POLR2H: variants seen among roughly 807,000 people sequenced by gnomAD.
POLR2H encodes RNA polymerase II, I and III subunit H.
POLR2H carries 3 observed loss-of-function variants against 18.1 expected under a neutral mutation model. That is an observed-to-expected ratio of 0.17 (90% CI 0.08 to 0.43). The LOEUF (loss-of-function observed/expected upper bound fraction) is 0.43, where lower values mean the gene tolerates loss of function less well. Among genes scored for constraint, POLR2H ranks in the 20% least tolerant of loss-of-function variants. The probability of loss-of-function intolerance (pLI) is 0.99; values close to 1 mark genes in which losing one functional copy is unlikely to be tolerated. For synonymous variants in POLR2H, 76 were observed against 69.0 expected (o/e 1.10, Z -0.50); for missense variants, 103 against 184.6 (o/e 0.56, Z 2.56).
chr3:184,365,254 A>C (rs1469643862), intron 4 of POLR2H, 28 bp downstream of exon 4: 1 of 1,316,292 alleles, frequency 7.6e-7, no homozygotes, highest in South Asian at 1.2e-5. Context: ...GTAATACTTG[A>C]AATATGCCTT....
chr3:184,365,296 C>A, intron 4 of POLR2H, 70 bp downstream of exon 4: 1 of 936,596 alleles, frequency 1.1e-6, no homozygotes, highest in Non-Finnish European at 1.8e-6. Context: ...TATAGAAAGA[C>A]TCTTCTAAAA....
intron 4 of POLR2H, 39 bp from the exon 5 acceptor site, chr3:184,366,678 A>G (rs1713357971): frequency 8.5e-7 from 1 of 1,181,032 alleles, no homozygotes; most frequent in Admixed American, 1.7e-5. Context: ...TATATTGTTA[A>G]TTACTGTTAA....
chr3:184,364,917 G>A (rs1712972299), intron 2 of POLR2H, 49 bp from the exon 3 acceptor site: 1 of 1,260,992 alleles, frequency 7.9e-7, no homozygotes, highest in East Asian at 2.3e-5. Flanking sequence ...CCACACTGTA[G>A]GATCTGCCTT....
Position 184,365,214 on chromosome 3 carries a change from A to G in POLR2H, c.239A>G (p.Asp80Gly). ...LDDGEYNPTDDRPSRADQFEY... is the reference protein window; with the variant it reads ...LDDGEYNPTDGRPSRADQFEY... ...GATGGTGAATACAACCCCACTGATGATAGGCCTTCCAGGTGAGGGAGTGGA... is the reference window on the plus strand; with the variant it reads ...GATGGTGAATACAACCCCACTGATGGTAGGCCTTCCAGGTGAGGGAGTGGA... Residue 80 changes from aspartate (D) to glycine (G), a missense_variant, in exon 4 of 6, where the codon GAT becomes GGT. Asp to Gly is a moderately conservative substitution (Grantham distance 94). Transcript: ENST00000456318. 1 of 1,605,564 alleles carries G rather than the reference A, an allele frequency of 6.2e-7. No individual in the cohort carries two copies. Among genetic ancestry groups the G allele is most frequent in the Non-Finnish European group, 8.5e-7 (1 of 1,172,172 alleles).
chr3:184,367,170 TG>T (rs201759487), intron 5 of POLR2H, among the ~76,000 whole-genome samples: 59,418 of 143,686 alleles, frequency 0.41, 12,283 homozygotes, highest in Middle Eastern at 0.56. Context: ...TGTGTGTGTG[TG>T]GCTACTCTGT....
chr3:184,368,033 A>G (rs1412030173), intron 5 of POLR2H, 144 bp from the exon 6 acceptor site: 1 of 1,172,558 alleles, frequency 8.5e-7, no homozygotes, highest in South Asian at 1.3e-5. Context: ...AGTGCCTTGC[A>G]CATACCTGTG....
At position 184,368,231 on chromosome 3, in the gene POLR2H, C is replaced by T. The variant is rs747221761; in HGVS notation, c.390C>T (p.Asn130=). The T allele has an allele frequency of 9.3e-6, 15 of 1,613,730 alleles. No homozygotes were observed. Among genetic ancestry groups the T allele is most frequent in the Non-Finnish European group, 1.0e-5 (12 of 1,179,712 alleles). The change falls in exon 6 of 6, where the codon AAC becomes AAT. Residue 130 remains asparagine, a synonymous_variant. Coordinates refer to ENST00000456318, the MANE Select transcript of POLR2H (RefSeq NM_006232.5). ...TCATGAGGCTGCAGGGGGATGCCAACAACCTGCATGGATTCGAGGTGGACT... is the reference window on the plus strand; with the variant it reads ...TCATGAGGCTGCAGGGGGATGCCAATAACCTGCATGGATTCGAGGTGGACT... The part of the protein sequence containing the change: ...GLLMRLQGDA[N]NLHGFEVDSR...
At chr3:184,364,660 G>GCATA (rs1237835698) in intron 2 of POLR2H, 5 of 440,750 alleles carry the variant, frequency 1.1e-5, no homozygotes, top group African/African-American at 9.9e-5. Context: ...ACAGTGCCTA[G>GCATA]CATAGAAAGA....
In POLR2H at chr3:184,365,110, T is replaced by C. The variant is rs1238524493; in HGVS notation, c.158-23T>C. On this transcript the variant is annotated intron_variant, in intron 3 of 5. Coordinates refer to ENST00000456318, the MANE Select transcript of POLR2H (RefSeq NM_006232.5). ...TTGCTGCTTCTGCTATTCTTTACTC[T>C]CTGATATTGCTGTTATTTTCAGGTG... 8 of 1,592,344 alleles carry C rather than the reference T, an allele frequency of 5.0e-6. No homozygotes were observed. In the Admixed American group the frequency reaches 1.3e-4, roughly 27 times the overall value.
Position 184,363,572 on chromosome 3 carries a change from A to G in POLR2H, c.73+7A>G, listed in dbSNP as rs1230725021. ...GGCAAGAAGTTTGACCGAGGTAAGT[A>G]AGGTATGTAGGGGCGGTTTGGAGGA... On this transcript the variant is annotated splice_region_variant and intron_variant, in intron 2 of 5. Transcript: ENST00000456318. 4 of 1,612,218 alleles carry G rather than the reference A, an allele frequency of 2.5e-6. No homozygotes were observed. The East Asian group carries it at 6.7e-5, about 27-fold the overall frequency.
At chr3:184,365,426 C>T (rs749672991) in intron 4 of POLR2H, 200 bp downstream of exon 4, 42 of 589,618 alleles carry the variant, frequency 7.1e-5, no homozygotes, top group East Asian at 5.1e-4. Flanking sequence ...TTTGGGAGGC[C>T]GAGGCAGGAG....
At chr3:184,368,134 G>T (rs1191960765) in intron 5 of POLR2H, 43 bp from the exon 6 acceptor site, 6 of 1,613,734 alleles carry the variant, frequency 3.7e-6, no homozygotes, top group Non-Finnish European at 5.1e-6. Flanking sequence ...GAGCTGCTGA[G>T]TGGCAGTGCT....
At chr3:184,367,457 C>T (rs890459779) in intron 5 of POLR2H, among the ~76,000 whole-genome samples, 2 of 151,166 alleles carry the variant, frequency 1.3e-5, no homozygotes, top group African/African-American at 4.9e-5. Flanking sequence ...CATGTTTCCC[C>T]ATGTTAGTGT....
rs1577349699 is a variant in POLR2H at position 184,368,331 on chromosome 3, A to G, written c.*37A>G. The G allele has an allele frequency of 6.5e-7, 1 of 1,535,762 alleles. No individual in the cohort carries two copies. Among genetic ancestry groups the G allele is most frequent in the Non-Finnish European group, 8.8e-7 (1 of 1,133,468 alleles). ...AGCCAGCCTCTCTGCCAAGTCACTC[A>G]GGTCATGGGCATTGTTCAAGCCTGA... On this transcript the variant is annotated 3_prime_UTR_variant, in exon 6 of 6. Transcript: ENST00000456318.
chr3:184,365,088 C>T, intron 3 of POLR2H, 39 bp downstream of exon 3: 1 of 1,579,000 alleles, frequency 6.3e-7, no homozygotes, highest in Non-Finnish European at 8.7e-7. Flanking sequence ...AGACTTTTTG[C>T]TGCTTCTGCT....
At chr3:184,365,267 G>A in intron 4 of POLR2H, 41 bp downstream of exon 4, 2 of 1,121,678 alleles carry the variant, frequency 1.8e-6, no homozygotes, top group Non-Finnish European at 2.7e-6. Context: ...TATGCCTTGA[G>A]GACTAAGTAG....
Position 184,361,765 on chromosome 3 carries a change from G to T in POLR2H, c.-1002G>T. Reference sequence around the variant, plus strand: ...GTCCGCGCGGGGCCTCCCGAGAGGCGGCAAGGGGCGCTGGGAAGGCGCAAG... The same window carrying T: ...GTCCGCGCGGGGCCTCCCGAGAGGCTGCAAGGGGCGCTGGGAAGGCGCAAG... On this transcript the variant is annotated 5_prime_UTR_variant, in exon 1 of 6. Coordinates refer to ENST00000456318, the MANE Select transcript of POLR2H (RefSeq NM_006232.5). The surrounding 1 kb of genome is among the most constrained non-coding windows in gnomAD (Gnocchi z 6.6). 5.9e-6 allele frequency: 1 copy of T among 169,318 alleles called. No homozygotes were observed. Among genetic ancestry groups the T allele is most frequent in the Non-Finnish European group, 1.3e-5 (1 of 79,862 alleles). The allele number at this position is 169,318 out of a possible 1,614,324, so 10.5% of individuals were successfully genotyped here.
chr3:184,364,700 C>T, intron 2 of POLR2H: 1 of 519,804 alleles, frequency 1.9e-6, no homozygotes, highest in Non-Finnish European at 3.4e-6. Context: ...AATAACTTGC[C>T]CAGAGTCAGG....
chr3:184,362,942 C>G lies in POLR2H; in HGVS notation c.-551C>G, dbSNP rs1222033600. ...TACGTCCAGCAGGGCCGAGCCGGCCCAGGCCGGCCCCGGGGTCCTCGGTGC... is the reference window on the plus strand; with the variant it reads ...TACGTCCAGCAGGGCCGAGCCGGCCGAGGCCGGCCCCGGGGTCCTCGGTGC... On this transcript the variant is annotated 5_prime_UTR_variant, in exon 2 of 6. Coordinates refer to ENST00000456318, the MANE Select transcript of POLR2H (RefSeq NM_006232.5). This position sits in a 1 kb window ranked among gnomAD's most constrained non-coding sequence, Gnocchi z 5.9. 6.0e-6 allele frequency: 1 copy of G among 166,184 alleles called. No homozygotes were observed. The highest frequency in any genetic ancestry group is 1.9e-4 in the East Asian group (1 of 5,226). 10.3% of individuals were successfully genotyped at this position (166,184 alleles called of 1,614,324 possible).
Sources: gnomAD v4.1 joint callset for allele counts (sites outside exome capture counted in the v4.1 genomes callset) on GRCh38, gnomAD v4.1.1 for gene constraint, Gnocchi (gnomAD v3.1) non-coding constraint, MANE v1.5 for transcripts, NCBI Gene and HGNC (gene_info 2026-07-23, HGNC 2026-07-21) for gene names.